The following DENND1A variants were observed in gnomAD, a reference collection of about 807,000 sequenced individuals.
DENND1A encodes DENN domain containing 1A.
A neutral mutation model predicts 113.7 loss-of-function variants in DENND1A; 51 were observed. The ratio of observed to expected loss-of-function variants is 0.45; its 90% CI spans 0.36 to 0.57. The LOEUF is 0.57. Among genes scored for constraint, DENND1A ranks in the 20% least tolerant of loss-of-function variants. The probability of loss-of-function intolerance (pLI) is 0.00; values close to 1 mark genes in which losing one functional copy is unlikely to be tolerated. For missense variants in DENND1A, 1,258 were observed against 1,395.9 expected (o/e 0.90, Z 1.57); for synonymous variants, 565 against 570.8 (o/e 0.99, Z 0.14).
At chr9:123,486,514 TC>T (rs1307369643) in intron 13 of DENND1A, among the ~76,000 whole-genome samples, 1 of 151,368 alleles carries the variant, frequency 6.6e-6, no homozygotes, top group Admixed American at 6.6e-5. Context: ...GGCTCCTGCA[TC>T]CCCCATGAGT....
chr9:123,802,765 C>T (rs1000604115), intron 2 of DENND1A, among the ~76,000 whole-genome samples: 1 of 151,858 alleles, frequency 6.6e-6, no homozygotes, highest in Non-Finnish European at 1.5e-5. Context: ...TTCAATGGCG[C>T]GATCTCGGCT....
Position 123,453,457 on chromosome 9 carries a change from C to T in DENND1A, c.1228-1110G>A, listed in dbSNP as rs547307246. 3.2e-4 allele frequency among the ~76,000 whole-genome samples: 49 copies of T among 152,242 alleles called. 1 individual carries two copies. The South Asian group carries it at 3.7e-3, about 12-fold the overall frequency. ...GCTGTAACAAGTGGCTGCTGTACTGCGCCATGACACACTCCCATGAGTGTA... is the reference window on the plus strand; with the variant it reads ...GCTGTAACAAGTGGCTGCTGTACTGTGCCATGACACACTCCCATGAGTGTA... On this transcript the variant is annotated intron_variant, in intron 16 of 23. Transcript: ENST00000394215.
chr9:123,732,105 T>C (rs906016678), intron 5 of DENND1A, among the ~76,000 whole-genome samples: 1 of 152,318 alleles, frequency 6.6e-6, no homozygotes, highest in Non-Finnish European at 1.5e-5. Context: ...TGCAAAATGA[T>C]ACAACAACCA....
intron 13 of DENND1A, among the ~76,000 whole-genome samples, chr9:123,497,813 CAAA>C (rs755257150): frequency 4.9e-5 from 5 of 101,756 alleles, no homozygotes; most frequent in Admixed American, 2.2e-4. Context: ...CTCTTCCATC[CAAA>C]AAAAAAAAAA....
intron 6 of DENND1A, among the ~76,000 whole-genome samples, chr9:123,675,165 C>T (rs1255262282): frequency 6.6e-6 from 1 of 152,172 alleles, no homozygotes; most frequent in Non-Finnish European, 1.5e-5. Context: ...TTTACTGTGA[C>T]CTCTGGAATA....
At chr9:123,466,164 A>G (rs775310179) in intron 13 of DENND1A, among the ~76,000 whole-genome samples, 9 of 151,962 alleles carry the variant, frequency 5.9e-5, no homozygotes, top group Non-Finnish European at 1.3e-4. Flanking sequence ...ACACCCGGCT[A>G]ATTTTTGTAT....
At chr9:123,798,232 T>C (rs1222754753) in intron 2 of DENND1A, 1 of 152,158 alleles carries the variant, frequency 6.6e-6, no homozygotes, top group Non-Finnish European at 1.5e-5. Flanking sequence ...ACAAATAACA[T>C]TATTCAAGGA....
At chr9:123,778,842 T>C (rs1830834602) in intron 3 of DENND1A, among the ~76,000 whole-genome samples, 2 of 152,118 alleles carry the variant, frequency 1.3e-5, no homozygotes, top group South Asian at 4.1e-4. Context: ...TCAGAAATCC[T>C]AAAAGGTAAA....
intron 13 of DENND1A, among the ~76,000 whole-genome samples, chr9:123,536,632 C>T (rs1262992042): frequency 6.6e-6 from 1 of 152,104 alleles, no homozygotes; most frequent in African/African-American, 2.4e-5. Context: ...AGCCGTCCAG[C>T]CTCCGCAAAT....
chr9:123,716,886 C>T (rs949789013), intron 5 of DENND1A, among the ~76,000 whole-genome samples: 1 of 152,080 alleles, frequency 6.6e-6, no homozygotes, highest in Non-Finnish European at 1.5e-5. Flanking sequence ...TAAACAATGC[C>T]AACATTTTTA....
intron 2 of DENND1A, among the ~76,000 whole-genome samples, chr9:123,831,088 T>C (rs1840145916): frequency 6.6e-6 from 1 of 152,206 alleles, no homozygotes; most frequent in East Asian, 1.9e-4. Context: ...TTGGAATCAA[T>C]AAAACAGCTT....
chr9:123,700,111 C>G (rs543616915), intron 5 of DENND1A, among the ~76,000 whole-genome samples: 1 of 152,288 alleles, frequency 6.6e-6, no homozygotes, highest in East Asian at 1.9e-4. Context: ...TATGGTCTAC[C>G]CTTGTGCCAA....
chr9:123,702,648 C>T (rs73665339), intron 5 of DENND1A, among the ~76,000 whole-genome samples: 20 of 152,082 alleles, frequency 1.3e-4, no homozygotes, highest in Non-Finnish European at 1.9e-4. Context: ...GGAAAGACTG[C>T]GATGATATAT....
chr9:123,849,652 A>G (rs1280063754), intron 2 of DENND1A, among the ~76,000 whole-genome samples: 1 of 152,222 alleles, frequency 6.6e-6, no homozygotes, highest in Non-Finnish European at 1.5e-5. Context: ...TTGAAGTCTA[A>G]GAAATACATA....
chr9:123,902,102 G>A (rs1299356354), intron 1 of DENND1A, among the ~76,000 whole-genome samples: 2 of 151,262 alleles, frequency 1.3e-5, no homozygotes, highest in African/African-American at 2.4e-5. Flanking sequence ...TATAATAACA[G>A]GTTCATTTGT....
At chr9:123,835,683 A>C (rs993995114) in intron 2 of DENND1A, among the ~76,000 whole-genome samples, 8 of 151,484 alleles carry the variant, frequency 5.3e-5, no homozygotes, top group Admixed American at 3.3e-4. Flanking sequence ...AAAAGAAAAA[A>C]CCTGAGTACC....
chr9:123,923,779 T>C (rs1172384576), intron 1 of DENND1A, among the ~76,000 whole-genome samples: 1 of 152,190 alleles, frequency 6.6e-6, no homozygotes, highest in African/African-American at 2.4e-5. Context: ...CCGTCTACAC[T>C]GATCTTTTCT....
intron 19 of DENND1A, among the ~76,000 whole-genome samples, chr9:123,428,081 A>T (rs1290652386): frequency 1.3e-5 from 2 of 152,206 alleles, no homozygotes; most frequent in Non-Finnish European, 2.9e-5. Flanking sequence ...AGGCAGGTAG[A>T]TCGCTTGAGC....
chr9:123,664,675 A>G lies in DENND1A; in HGVS notation c.507+2351T>C, dbSNP rs530042905. ...AATTTCTAAATAATAACTAATTTCA[A>G]TTTGTATCATCTTTGATCCAACTGC... On this transcript the variant is annotated intron_variant, in intron 8 of 23. Coordinates refer to ENST00000394215, the MANE Select transcript of DENND1A (RefSeq NM_001352964.2). Among the ~76,000 whole-genome samples the G allele has an allele frequency of 3.9e-5, 6 of 152,266 alleles. 1 individual carries two copies. The South Asian group carries it at 1.2e-3, about 32-fold the overall frequency.
Sources: allele counts gnomAD v4.1 joint callset (sites outside exome capture counted in the v4.1 genomes callset), GRCh38; gene constraint gnomAD v4.1.1; transcripts MANE v1.5; gene names NCBI Gene and HGNC (gene_info 2026-07-23, HGNC 2026-07-21).